WWC2: variants seen among roughly 807,000 people sequenced by gnomAD.
WWC2 encodes the protein protein WWC2.
A neutral mutation model predicts 138.5 loss-of-function variants in WWC2; 101 were observed. That is an observed-to-expected ratio of 0.73 (90% CI 0.62 to 0.86). WWC2 has a LOEUF of 0.86. WWC2 is among the 40% of genes least tolerant of loss of function. The pLI is 0.00. For synonymous variants in WWC2, 558 were observed against 538.4 expected (o/e 1.04, Z -0.50); for missense variants, 1,420 against 1,419.4 (o/e 1.00, Z -0.01).
At chr4:183,235,136 T>C (rs1315166939) in intron 4 of WWC2, among the ~76,000 whole-genome samples, 2 of 152,190 alleles carry the variant, frequency 1.3e-5, no homozygotes, top group Non-Finnish European at 2.9e-5. Context: ...CTAAGAATCA[T>C]TCAGGTTGTC....
intron 21 of WWC2, among the ~76,000 whole-genome samples, chr4:183,295,658 T>G (rs1738605847): frequency 6.6e-6 from 1 of 152,212 alleles, no homozygotes; most frequent in African/African-American, 2.4e-5. Context: ...TCAACTCTTT[T>G]GGCAGACTGT....
At position 183,099,629 on chromosome 4, in the gene WWC2, G is replaced by T; in HGVS notation, c.131+7G>T. The T allele has an allele frequency of 3.0e-6, 4 of 1,331,132 alleles. No homozygotes were observed. Among genetic ancestry groups the T allele is most frequent in the Non-Finnish European group, 3.9e-6 (4 of 1,023,950 alleles). 82.5% of individuals were successfully genotyped at this position (1,331,132 alleles called of 1,614,324 possible). On this transcript the variant is annotated splice_region_variant and intron_variant, in intron 1 of 22. Coordinates refer to ENST00000403733, the MANE Select transcript of WWC2 (RefSeq NM_024949.6). ...GGATCGACCCCCGGGACAGGTGGGC[G>T]CCGGCCGCGGGGGCGCGGGCCCGTT...
rs74344734 is a variant in WWC2, at chr4:183,209,931, A to G, written c.522+906A>G. Among the ~76,000 whole-genome samples the G allele has an allele frequency of 6.7e-4, 102 of 152,318 alleles. 1 individual carries two copies. The East Asian group carries it at 0.014, about 20-fold the overall frequency. On this transcript the variant is annotated intron_variant, in intron 4 of 22. Transcript: ENST00000403733. ...TAGTTCACCTCTCCATTAAGGTGGT[A>G]CTAGCCTCATGAGCACTGAGGGTTA...
chr4:183,254,022 G>A (rs1359375510), intron 9 of WWC2, 23 bp downstream of exon 9: 2 of 1,607,862 alleles, frequency 1.2e-6, no homozygotes, highest in African/African-American at 2.7e-5. Flanking sequence ...TCTGGAAATA[G>A]GGCAGCTTAA....
At chr4:183,127,379 C>T (rs1413357213) in intron 1 of WWC2, among the ~76,000 whole-genome samples, 2 of 151,874 alleles carry the variant, frequency 1.3e-5, no homozygotes, top group Non-Finnish European at 1.5e-5. Flanking sequence ...GAAATAAGCC[C>T]GACAGGAAGA....
chr4:183,254,871 C>CAA (rs568421997), intron 9 of WWC2, among the ~76,000 whole-genome samples: 1 of 148,048 alleles, frequency 6.8e-6, no homozygotes, highest in African/African-American at 2.5e-5. Flanking sequence ...CCAGTTGCTT[C>CAA]AAAAAAAAAA....
At position 183,315,977 on chromosome 4, in the gene WWC2, G is replaced by A. The variant is rs1739424108; in HGVS notation, c.*248G>A. ...TGGGATAACCTGGTACACAAATGTT[G>A]CCCAGTATGTGCGCATTGCCAGTGG... On this transcript the variant is annotated 3_prime_UTR_variant, in exon 23 of 23. Transcript: ENST00000403733. The A allele has an allele frequency of 2.6e-6, 1 of 390,824 alleles. No homozygotes were observed. 24.2% of individuals were successfully genotyped at this position (390,824 alleles called of 1,614,324 possible).
chr4:183,293,626 A>G (rs1295568876), intron 21 of WWC2, among the ~76,000 whole-genome samples: 2 of 152,244 alleles, frequency 1.3e-5, no homozygotes, highest in African/African-American at 2.4e-5. Flanking sequence ...TAAGGCAAGA[A>G]AAAAAGTAGC....
rs756238492 is a variant in WWC2, at chr4:183,200,744, C to T, written c.241+7036C>T. Among the ~76,000 whole-genome samples, 21 of 152,262 alleles carry T rather than the reference C, an allele frequency of 1.4e-4. 1 individual carries two copies. The highest frequency in any genetic ancestry group is 3.4e-4 in the African/African-American group (14 of 41,554). On this transcript the variant is annotated intron_variant, in intron 2 of 22. Coordinates refer to ENST00000403733, the MANE Select transcript of WWC2 (RefSeq NM_024949.6). ...GGCCTCTCCACAGGACAGCTCACAACGGGGCAGCTTGCTTTGTTAGAGCCA... is the reference window on the plus strand; with the variant it reads ...GGCCTCTCCACAGGACAGCTCACAATGGGGCAGCTTGCTTTGTTAGAGCCA...
At chr4:183,104,033 C>G (rs915645668) in intron 1 of WWC2, among the ~76,000 whole-genome samples, 3 of 151,804 alleles carry the variant, frequency 2.0e-5, no homozygotes, top group Non-Finnish European at 4.4e-5. Flanking sequence ...GATGTTGGCT[C>G]ACTGCAGCCT....
At chr4:183,314,490 G>A (rs7670924) in intron 22 of WWC2, among the ~76,000 whole-genome samples, 2,364 of 152,326 alleles carry the variant, frequency 0.016, 32 homozygotes, top group East Asian at 0.083. Flanking sequence ...GGATTTGCAC[G>A]GCTACCGTTG....
rs188517797 is a variant in WWC2 at position 183,174,839 on chromosome 4, C to G, written c.132-18760C>G. Among the ~76,000 whole-genome samples the G allele has an allele frequency of 3.7e-3, 567 of 152,112 alleles. 3 individuals carry two copies. The highest frequency in any genetic ancestry group is 0.013 in the African/African-American group (532 of 41,512). ...TCTCTCTCTTTTGCGCTCTCTCTCTCTCTGTAATATTCTACAAGTATATAT... is the reference window on the plus strand; with the variant it reads ...TCTCTCTCTTTTGCGCTCTCTCTCTGTCTGTAATATTCTACAAGTATATAT... On this transcript the variant is annotated intron_variant, in intron 1 of 22. Coordinates refer to ENST00000403733, the MANE Select transcript of WWC2 (RefSeq NM_024949.6).
intron 1 of WWC2, among the ~76,000 whole-genome samples, chr4:183,121,875 T>A (rs1732610277): frequency 6.7e-6 from 1 of 148,254 alleles, no homozygotes. Context: ...AAGCTTCGCC[T>A]CCTGGGTGCA....
At chr4:183,233,148 C>CTTTTTT (rs543576361) in intron 4 of WWC2, among the ~76,000 whole-genome samples, 4 of 84,812 alleles carry the variant, frequency 4.7e-5, no homozygotes, top group African/African-American at 1.6e-4. Context: ...CTTTTTAAAC[C>CTTTTTT]TTTTTTTTTT....
At chr4:183,173,169 T>C (rs1212674964) in intron 1 of WWC2, among the ~76,000 whole-genome samples, 1 of 152,026 alleles carries the variant, frequency 6.6e-6, no homozygotes, top group East Asian at 1.9e-4. Context: ...CTCATCCTCC[T>C]GAGTAGCTGG....
At chr4:183,289,764 CA>C in intron 21 of WWC2, 129 bp downstream of exon 21, 1 of 1,279,528 alleles carries the variant, frequency 7.8e-7, no homozygotes, top group Non-Finnish European at 1.1e-6. Context: ...CAGCTTGGAA[CA>C]TATTTTTCCC....
chr4:183,245,306 G>A lies in WWC2; in HGVS notation c.603-110G>A, dbSNP rs1580102336. 24 of 881,642 alleles carry A rather than the reference G, an allele frequency of 2.7e-5. No homozygotes were observed. The East Asian group carries it at 8.9e-4, about 33-fold the overall frequency. The allele number at this position is 881,642 out of a possible 1,614,324, so 54.6% of individuals were successfully genotyped here. On this transcript the variant is annotated intron_variant, in intron 5 of 22. Transcript: ENST00000403733. ...GATGATTGCTGGTATATGACAGTCA[G>A]CAGTGAAATAATCATCCAACTGAGA...
chr4:183,142,048 G>C (rs1036241267), intron 1 of WWC2, among the ~76,000 whole-genome samples: 3 of 152,220 alleles, frequency 2.0e-5, no homozygotes, highest in Non-Finnish European at 4.4e-5. Context: ...GTTGAGGAAA[G>C]CAGTTTGGTG....
chr4:183,287,175 A>C (rs960053975), intron 20 of WWC2, among the ~76,000 whole-genome samples: 10 of 152,168 alleles, frequency 6.6e-5, no homozygotes, highest in Non-Finnish European at 1.0e-4. Flanking sequence ...GCCAGGCAGC[A>C]GTGGGCGCCC....
Sources: gnomAD v4.1 joint callset for allele counts (sites outside exome capture counted in the v4.1 genomes callset) on GRCh38, gnomAD v4.1.1 for gene constraint, MANE v1.5 for transcripts, NCBI Gene and HGNC (gene_info 2026-07-23, HGNC 2026-07-21) for gene names.